CD96: variants seen among roughly 807,000 people sequenced by gnomAD.
CD96 encodes CD96 molecule, also known as T-cell surface protein tactile.
A neutral mutation model predicts 71.3 loss-of-function variants in CD96; 70 were observed. The ratio of observed to expected loss-of-function variants is 0.98; its 90% CI spans 0.81 to 1.20. CD96 has a LOEUF of 1.20. Ranked by LOEUF, CD96 falls within the 50% of genes most tolerant of loss-of-function variation. The probability of loss-of-function intolerance (pLI) is 0.00; values close to 1 mark genes in which losing one functional copy is unlikely to be tolerated. For synonymous variants in CD96, 248 were observed against 233.0 expected, an observed-to-expected ratio of 1.06 and a Z score of -0.59; for missense variants, 742 against 677.5, an observed-to-expected ratio of 1.10 and a Z score of -1.06.
intron 4 of CD96, 44 bp from the exon 5 acceptor site, chr3:111,585,279 G>A (rs751873896): frequency 7.2e-6 from 9 of 1,243,900 alleles, no homozygotes; most frequent in Non-Finnish European, 1.1e-5. Flanking sequence ...TGGCCAGGTA[G>A]GATGACATTT....
In CD96 at chr3:111,647,572, A is replaced by G. The variant is rs1939890747; in HGVS notation, c.1507A>G (p.Met503Val). ...TGTGGTCAATAAGCCCAAAGATGGA[A>G]TGTCCTGGCCAGTGATTGTAGCAGC... ...GIVVNKPKDG[M>V]SWPVIVAALL... Residue 503 changes from methionine to valine, a missense_variant, in exon 13 of 14, where the codon ATG becomes GTG. Transcript: ENST00000352690. 1 of 1,611,306 alleles carries G rather than the reference A, an allele frequency of 6.2e-7. No homozygotes were observed. Among genetic ancestry groups the G allele is most frequent in the Admixed American group, 1.7e-5 (1 of 59,982 alleles).
rs955836028 is a variant in CD96 at position 111,647,691 on chromosome 3, G to C, written c.1601+25G>C. On this transcript the variant is annotated intron_variant, in intron 13 of 13. Coordinates refer to ENST00000352690, the MANE Select transcript of CD96 (RefSeq NM_005816.5). ...TGTGAGTATAATACTAACATATGTA[G>C]GAACAGATTAATTTTTCATTATAAA... The C allele has an allele frequency of 3.3e-6, 5 of 1,535,756 alleles. No homozygotes were observed. In the Admixed American group the frequency reaches 8.4e-5, roughly 26 times the overall value.
At chr3:111,563,741 C>T (rs1051670101) in intron 2 of CD96, among the ~76,000 whole-genome samples, 4 of 152,114 alleles carry the variant, frequency 2.6e-5, no homozygotes, top group African/African-American at 9.7e-5. Context: ...TCACTATTCC[C>T]TTTGTTGTAA....
intron 7 of CD96, 92 bp downstream of exon 7, chr3:111,601,006 C>G (rs953400600): frequency 2.4e-6 from 2 of 823,502 alleles, no homozygotes; most frequent in Non-Finnish European, 4.0e-6. Context: ...ACTTCCATAA[C>G]GTTTTAATCT....
At chr3:111,617,076 C>G (rs1045339747) in intron 8 of CD96, among the ~76,000 whole-genome samples, 1 of 152,238 alleles carries the variant, frequency 6.6e-6, no homozygotes, top group African/African-American at 2.4e-5. Flanking sequence ...CACCAATCCC[C>G]CACCTTGGCC....
chr3:111,635,259 G>A (rs994148424), intron 10 of CD96, among the ~76,000 whole-genome samples: 4 of 152,016 alleles, frequency 2.6e-5, no homozygotes, highest in South Asian at 2.1e-4. Context: ...ATCCATCAAC[G>A]GGAAACTCCA....
chr3:111,554,400 TTC>T (rs1412400261), intron 2 of CD96, among the ~76,000 whole-genome samples: 30 of 152,168 alleles, frequency 2.0e-4, no homozygotes, highest in African/African-American at 7.0e-4. Context: ...CCTCCATTTC[TTC>T]TCTGTTTTCT....
intron 3 of CD96, among the ~76,000 whole-genome samples, chr3:111,576,145 G>T (rs1486932678): frequency 1.3e-5 from 2 of 152,094 alleles, no homozygotes; most frequent in Non-Finnish European, 2.9e-5. Context: ...ATTAAAATGT[G>T]GGAGTCTACC....
At chr3:111,626,306 C>CAAA (rs71131971) in intron 10 of CD96, among the ~76,000 whole-genome samples, 1,508 of 73,576 alleles carry the variant, frequency 0.02, 131 homozygotes, top group Non-Finnish European at 0.026. Context: ...GACTCCGTCT[C>CAAA]AAAAAAAAAA....
intron 12 of CD96, among the ~76,000 whole-genome samples, chr3:111,640,343 C>T (rs1213999463): frequency 1.3e-5 from 2 of 152,066 alleles, no homozygotes; most frequent in African/African-American, 2.4e-5. Context: ...ATGTGAAATG[C>T]TCTCAAAAGT....
chr3:111,653,579 G>C (rs948233962), downstream of CD96, among the ~76,000 whole-genome samples: 1 of 152,138 alleles, frequency 6.6e-6, no homozygotes, highest in Admixed American at 6.5e-5. Context: ...TTTAGAGGTC[G>C]TTTTACAAAA....
intron 12 of CD96, among the ~76,000 whole-genome samples, chr3:111,641,911 A>T (rs914451042): frequency 3.3e-5 from 5 of 152,238 alleles, no homozygotes; most frequent in African/African-American, 1.2e-4. Context: ...TGGGTCAAAA[A>T]TGAAATCAAG....
downstream of CD96, among the ~76,000 whole-genome samples, chr3:111,652,749 TTGCC>T (rs1196810968): frequency 6.6e-6 from 1 of 152,108 alleles, no homozygotes; most frequent in Non-Finnish European, 1.5e-5. Flanking sequence ...GGGGCTCCAG[TTGCC>T]TTTTAGTTAG....
At chr3:111,567,438 TA>T in intron 2 of CD96, 84 bp from the exon 3 acceptor site, 1 of 1,134,900 alleles carries the variant, frequency 8.8e-7, no homozygotes, top group South Asian at 1.3e-5. Context: ...ATCCCTATAC[TA>T]AAACTGTTTT....
chr3:111,594,707 T>A (rs982937874), intron 5 of CD96: 13 of 168,162 alleles, frequency 7.7e-5, no homozygotes, highest in Non-Finnish European at 1.0e-4. Context: ...TTCAGGCTTT[T>A]CAGGACCAAC....
chr3:111,543,181 G>A (rs1559705703), intron 1 of CD96, among the ~76,000 whole-genome samples: 1 of 152,164 alleles, frequency 6.6e-6, no homozygotes, highest in Non-Finnish European at 1.5e-5. Flanking sequence ...TAAGAGGCTT[G>A]TTTCTTCTCA....
chr3:111,564,548 G>A (rs1305817011), intron 2 of CD96, among the ~76,000 whole-genome samples: 3 of 151,854 alleles, frequency 2.0e-5, no homozygotes, highest in Non-Finnish European at 4.4e-5. Context: ...GGACTCATTG[G>A]GAACTTTCCA....
chr3:111,550,884 C>T (rs964304986), intron 2 of CD96, among the ~76,000 whole-genome samples: 6 of 152,166 alleles, frequency 3.9e-5, no homozygotes, highest in African/African-American at 1.4e-4. Flanking sequence ...ACAAGGCTTT[C>T]TCCAGCAGTG....
chr3:111,605,327 A>G (rs1937593022), intron 7 of CD96, among the ~76,000 whole-genome samples: 1 of 152,204 alleles, frequency 6.6e-6, no homozygotes, highest in Non-Finnish European at 1.5e-5. Context: ...AGGAAACCAC[A>G]TAAATTAAGA....
Sources: gnomAD v4.1 joint callset for allele counts (sites outside exome capture counted in the v4.1 genomes callset) on GRCh38, gnomAD v4.1.1 for gene constraint, MANE v1.5 for transcripts, NCBI Gene and HGNC (gene_info 2026-07-23, HGNC 2026-07-21) for gene names.